Variants in PTPRE observed in about 807,000 individuals in gnomAD.
PTPRE encodes protein tyrosine phosphatase receptor type E.
PTPRE carries 51 observed loss-of-function variants against 102.0 expected under a neutral mutation model. That is an observed-to-expected ratio of 0.50 (90% confidence interval 0.40 to 0.63). The LOEUF (loss-of-function observed/expected upper bound fraction) is 0.63. Among genes scored for constraint, PTPRE ranks in the 30% least tolerant of loss-of-function variants. PTPRE has a pLI of 0.00. For synonymous variants in PTPRE, 345 were observed against 348.2 expected, an observed-to-expected ratio of 0.99 and a Z score of 0.10; for missense variants, 752 against 915.1, an observed-to-expected ratio of 0.82 and a Z score of 2.30.
rs35818960 is a variant in PTPRE, at chr10:127,961,634, A to AC, written c.-30-20634dup. On this transcript the variant is annotated intron_variant, in intron 1 of 20. Coordinates refer to ENST00000254667, the MANE Select transcript of PTPRE (RefSeq NM_006504.6). ...GGTGACACCTGTGCATAAGCGCTCC[A>AC]CCCCCCAGCGAGAGAAAGCGGGCCG... is the stretch of plus-strand genomic sequence containing the variant. Among the ~76,000 whole-genome samples the AC allele has an allele frequency of 1.6e-4, 25 of 151,790 alleles. No homozygotes were observed. In the South Asian group the frequency reaches 2.5e-3, roughly 15 times the overall value.
intron 1 of PTPRE, among the ~76,000 whole-genome samples, chr10:127,940,145 A>G (rs1306960310): frequency 1.3e-5 from 2 of 152,040 alleles, no homozygotes; most frequent in Non-Finnish European, 2.9e-5. Flanking sequence ...AGGAAGAGGC[A>G]AGAGGATGCC....
intron 2 of PTPRE, among the ~76,000 whole-genome samples, chr10:127,994,568 T>C (rs1027264204): frequency 1.3e-5 from 2 of 152,212 alleles, no homozygotes; most frequent in African/African-American, 4.8e-5. Context: ...TTTACGTGAC[T>C]TTGTATCCTT....
At chr10:128,053,120 G>A (rs1319152363) in intron 6 of PTPRE, among the ~76,000 whole-genome samples, 5 of 152,208 alleles carry the variant, frequency 3.3e-5, no homozygotes, top group African/African-American at 1.2e-4. Context: ...GCGTGGTGGT[G>A]TGCACCTGTA....
Position 128,030,893 on chromosome 10 carries a change from A to AG in PTPRE, c.-7-9978dup, listed in dbSNP as rs1372903716. On this transcript the variant is annotated intron_variant, in intron 2 of 20. Coordinates refer to ENST00000254667, the MANE Select transcript of PTPRE (RefSeq NM_006504.6). ...GGCAGCCCTCCAGACCCCTCTAGAC[A>AG]GGGGCAGGCACCCTGCAGGGCGCCC... Among the ~76,000 whole-genome samples the AG allele has an allele frequency of 3.3e-5, 5 of 152,262 alleles. No homozygotes were observed. The East Asian group carries it at 9.7e-4, about 29-fold the overall frequency.
At chr10:127,966,381 G>A (rs1436227449) in intron 1 of PTPRE, among the ~76,000 whole-genome samples, 2 of 152,154 alleles carry the variant, frequency 1.3e-5, no homozygotes, top group African/African-American at 4.8e-5. Context: ...TCACATATTG[G>A]CAGATATTAC....
intron 3 of PTPRE, among the ~76,000 whole-genome samples, chr10:128,041,945 A>C (rs1014619274): frequency 3.3e-5 from 5 of 152,110 alleles, no homozygotes; most frequent in African/African-American, 1.2e-4. Flanking sequence ...CAGGAGGAGG[A>C]AAGAGTAAAG....
intron 2 of PTPRE, among the ~76,000 whole-genome samples, chr10:128,021,184 C>T (rs753598941): frequency 6.6e-6 from 1 of 152,148 alleles, no homozygotes; most frequent in African/African-American, 2.4e-5. Flanking sequence ...CGCGAGCCAC[C>T]GCGCCCGGCC....
At chr10:128,027,684 G>A (rs1846384123) in intron 2 of PTPRE, among the ~76,000 whole-genome samples, 1 of 152,196 alleles carries the variant, frequency 6.6e-6, no homozygotes, top group Admixed American at 6.5e-5. Context: ...TTCCACACCA[G>A]CATTCGTGTT....
At chr10:127,914,695 C>T (rs1846090462) in intron 1 of PTPRE, among the ~76,000 whole-genome samples, 1 of 152,172 alleles carries the variant, frequency 6.6e-6, no homozygotes, top group Non-Finnish European at 1.5e-5. Flanking sequence ...TTTCCAAATC[C>T]TTCCTCTCTT....
intron 1 of PTPRE, among the ~76,000 whole-genome samples, chr10:127,950,031 C>G (rs1394633946): frequency 6.6e-6 from 1 of 152,086 alleles, no homozygotes; most frequent in Non-Finnish European, 1.5e-5. Context: ...GACCCGCCCC[C>G]ACCAACCCTC....
intron 2 of PTPRE, among the ~76,000 whole-genome samples, chr10:127,984,078 C>CTTT (rs58130253): frequency 4.0e-5 from 5 of 125,386 alleles, no homozygotes; most frequent in African/African-American, 6.4e-5. Context: ...TTCTTTCTTT[C>CTTT]TTTTTTTTTT....
intron 16 of PTPRE, 126 bp from the exon 17 acceptor site, chr10:128,073,211 G>A (rs1021630614): frequency 6.9e-5 from 93 of 1,344,924 alleles, no homozygotes; most frequent in Non-Finnish European, 8.9e-5. Context: ...ACTGGGGTCT[G>A]GTGCAGACCA....
intron 1 of PTPRE, among the ~76,000 whole-genome samples, chr10:127,978,671 T>C (rs981937334): frequency 1.1e-4 from 16 of 152,216 alleles, no homozygotes; most frequent in Admixed American, 3.3e-4. Flanking sequence ...CCCTGTCTCC[T>C]CGCTCTGTGA....
At chr10:128,010,598 T>TTTC (rs1554919851) in intron 2 of PTPRE, among the ~76,000 whole-genome samples, 3 of 151,874 alleles carry the variant, frequency 2.0e-5, no homozygotes, top group Admixed American at 6.6e-5. Context: ...TTTCTTTCCT[T>TTTC]TTGAGATGGA....
intron 1 of PTPRE, among the ~76,000 whole-genome samples, chr10:127,949,667 T>G (rs1257866367): frequency 6.6e-6 from 1 of 152,190 alleles, no homozygotes; most frequent in Non-Finnish European, 1.5e-5. Flanking sequence ...AGGGGTGAGC[T>G]CCGGTATTCA....
intron 2 of PTPRE, among the ~76,000 whole-genome samples, chr10:128,037,308 G>A (rs958945295): frequency 1.3e-5 from 2 of 152,194 alleles, no homozygotes; most frequent in Admixed American, 1.3e-4. Context: ...TCTGTCCCCT[G>A]GCCTGCGTCT....
chr10:128,035,212 G>T (rs779863010), intron 2 of PTPRE, among the ~76,000 whole-genome samples: 4 of 151,984 alleles, frequency 2.6e-5, no homozygotes, highest in Non-Finnish European at 2.9e-5. Context: ...TCAAACTCCT[G>T]AGCTCAAAGC....
chr10:127,926,742 ACAAT>A (rs1181184994), intron 1 of PTPRE, among the ~76,000 whole-genome samples: 1 of 151,340 alleles, frequency 6.6e-6, no homozygotes, highest in Non-Finnish European at 1.5e-5. Context: ...AGCTGCTGTC[ACAAT>A]CAAAGACCAG....
chr10:127,957,623 T>G (rs1468116829), intron 1 of PTPRE, among the ~76,000 whole-genome samples: 1 of 152,012 alleles, frequency 6.6e-6, no homozygotes, highest in Non-Finnish European at 1.5e-5. Context: ...AGTCTTGGGG[T>G]CAGGTAGTGT....
Sources: gnomAD v4.1 joint callset for allele counts (sites outside exome capture counted in the v4.1 genomes callset) on GRCh38, gnomAD v4.1.1 for gene constraint, MANE v1.5 for transcripts, NCBI Gene and HGNC (gene_info 2026-07-23, HGNC 2026-07-21) for gene names.